Variants in LARGE1 observed in about 807,000 individuals in gnomAD.
The protein encoded by LARGE1 is LARGE xylosyl- and glucuronyltransferase 1.
LARGE1 carries 43 observed loss-of-function variants against 87.6 expected under a neutral mutation model. That is an observed-to-expected ratio of 0.49 (90% CI 0.38 to 0.63). The LOEUF (loss-of-function observed/expected upper bound fraction) is 0.63. LARGE1 is among the 30% of genes least tolerant of loss of function. The pLI, the probability that LARGE1 is intolerant of heterozygous loss-of-function variation, is 0.00. For missense variants in LARGE1, 802 were observed against 1,000.2 expected (o/e 0.80, Z 2.67); for synonymous variants, 434 against 394.6 (o/e 1.10, Z -1.18).
chr22:33,173,172 C>G (rs1476141699), intron 11 of LARGE1, among the ~76,000 whole-genome samples: 1 of 152,140 alleles, frequency 6.6e-6, no homozygotes, highest in Non-Finnish European at 1.5e-5. Context: ...CTGCAGAAAC[C>G]CTACAAGCCA....
chr22:33,807,113 G>A (rs1313344074), intron 1 of LARGE1, among the ~76,000 whole-genome samples: 1 of 152,136 alleles, frequency 6.6e-6, no homozygotes, highest in Non-Finnish European at 1.5e-5. Context: ...GTCATTAAAA[G>A]CAAAGCCCTA....
intron 11 of LARGE1, among the ~76,000 whole-genome samples, chr22:33,205,966 T>TTTTTTTTG (rs1924658554): frequency 6.8e-6 from 1 of 148,080 alleles, no homozygotes; most frequent in African/African-American, 2.5e-5. Flanking sequence ...TTTTTTTTTT[T>TTTTTTTTG]TTTTGTGAGA....
At chr22:33,642,735 A>AAAAAAAAAAAAAAAAAT (rs2080481365) in intron 3 of LARGE1, among the ~76,000 whole-genome samples, 1 of 146,420 alleles carries the variant, frequency 6.8e-6, no homozygotes, top group Non-Finnish European at 1.5e-5. Context: ...AAAAAAAAAA[A>AAAAAAAAAAAAAAAAAT]GGCAGGAGAT....
chr22:33,675,408 GA>G (rs1163910977), intron 2 of LARGE1, among the ~76,000 whole-genome samples: 1 of 151,510 alleles, frequency 6.6e-6, no homozygotes, highest in African/African-American at 2.4e-5. Flanking sequence ...GAACAAGAGG[GA>G]ATGAATAAGA....
chr22:33,639,993 A>G (rs2080379984), intron 3 of LARGE1, among the ~76,000 whole-genome samples: 1 of 152,238 alleles, frequency 6.6e-6, no homozygotes, highest in African/African-American at 2.4e-5. Context: ...GCATATTGAT[A>G]GAGGAGTTTT....
chr22:33,845,555 G>A (rs1408903433), intron 1 of LARGE1, among the ~76,000 whole-genome samples: 1 of 152,126 alleles, frequency 6.6e-6, no homozygotes, highest in Admixed American at 6.5e-5. Context: ...TCATCTACCC[G>A]CCTCAGCCTC....
intron 2 of LARGE1, 125 bp from the exon 3 acceptor site, chr22:33,650,793 A>G: frequency 5.6e-6 from 6 of 1,065,662 alleles, no homozygotes; most frequent in Non-Finnish European, 8.3e-6. Flanking sequence ...TAAGGAAAAC[A>G]GATGGAAAGT....
intron 2 of LARGE1, among the ~76,000 whole-genome samples, chr22:33,749,994 AT>A (rs2084253023): frequency 6.6e-6 from 1 of 152,116 alleles, no homozygotes; most frequent in South Asian, 2.1e-4. Flanking sequence ...TAGTTTCCTC[AT>A]CTATAAAATG....
At chr22:33,752,272 G>A (rs888133289) in intron 2 of LARGE1, among the ~76,000 whole-genome samples, 1 of 151,952 alleles carries the variant, frequency 6.6e-6, no homozygotes, top group African/African-American at 2.4e-5. Context: ...AATACTTTGG[G>A]TAAGTTTTCC....
chr22:33,079,332 A>T, the LARGE1 span, among the ~76,000 whole-genome samples: 15 of 140,856 alleles, frequency 1.1e-4, no homozygotes, highest in African/African-American at 3.8e-4. Flanking sequence ...GGTTCACGCC[A>T]TTCTCCTGCT....
rs1300470437 is a variant in LARGE1 at position 33,361,902 on chromosome 22, G to A, written c.1131+20017C>T. ...AGGAACCATGGCTCACTCAGCTCTGGGACTCTAGAAACCCCTAGAGAGACC... is the reference window on the plus strand; with the variant it reads ...AGGAACCATGGCTCACTCAGCTCTGAGACTCTAGAAACCCCTAGAGAGACC... On this transcript the variant is annotated intron_variant, in intron 9 of 14. Transcript: ENST00000397394. 2.0e-5 allele frequency among the ~76,000 whole-genome samples: 3 copies of A among 149,006 alleles called. 1 individual carries two copies. In the South Asian group the frequency reaches 6.7e-4, roughly 33 times the overall value.
chr22:33,772,624 C>G (rs935533836), intron 1 of LARGE1, among the ~76,000 whole-genome samples: 1 of 152,130 alleles, frequency 6.6e-6, no homozygotes, highest in Non-Finnish European at 1.5e-5. Flanking sequence ...CCCAGACAAT[C>G]CTATGCCTCA....
chr22:33,119,012 T>A, the LARGE1 span, among the ~76,000 whole-genome samples: 1 of 152,238 alleles, frequency 6.6e-6, no homozygotes, highest in Non-Finnish European at 1.5e-5. Context: ...GGGACTTCCA[T>A]TAAGTCATTT....
At chr22:33,348,372 T>C (rs1167281031) in intron 9 of LARGE1, among the ~76,000 whole-genome samples, 1 of 147,412 alleles carries the variant, frequency 6.8e-6, no homozygotes, top group African/African-American at 2.5e-5. Context: ...GTTCAAACCA[T>C]TGCCTTTTCT....
chr22:33,496,760 T>A lies in LARGE1; in HGVS notation c.788-64495A>T, dbSNP rs538999236. Among the ~76,000 whole-genome samples the A allele has an allele frequency of 3.9e-5, 6 of 152,320 alleles. No individual in the cohort carries two copies. In the East Asian group the frequency reaches 1.2e-3, roughly 29 times the overall value. Reference sequence around the variant, plus strand: ...CCCAGAAAACAGTTTTCAGACTCTATCTCTCATTCCACCTCTTTTATCCCA... The same window carrying A: ...CCCAGAAAACAGTTTTCAGACTCTAACTCTCATTCCACCTCTTTTATCCCA... On this transcript the variant is annotated intron_variant, in intron 6 of 14. Coordinates refer to ENST00000397394, the MANE Select transcript of LARGE1 (RefSeq NM_133642.5).
At chr22:33,170,233 G>A (rs929025928) in intron 11 of LARGE1, among the ~76,000 whole-genome samples, 2 of 151,978 alleles carry the variant, frequency 1.3e-5, no homozygotes, top group African/African-American at 2.4e-5. Flanking sequence ...GTCAGGCATG[G>A]TGGTGCACAT....
intron 1 of LARGE1, among the ~76,000 whole-genome samples, chr22:33,870,478 A>G (rs1215400619): frequency 2.0e-5 from 3 of 152,178 alleles, no homozygotes; most frequent in African/African-American, 7.2e-5. Flanking sequence ...AGGTATCAAC[A>G]TGGTACCAAG....
chr22:33,300,324 T>C (rs546487797), intron 12 of LARGE1, among the ~76,000 whole-genome samples: 4 of 152,354 alleles, frequency 2.6e-5, no homozygotes, highest in African/African-American at 9.6e-5. Context: ...GCAGGGTTTC[T>C]GGCACATGGT....
chr22:33,488,990 T>TTA (rs1467251565), intron 6 of LARGE1, among the ~76,000 whole-genome samples: 2 of 152,334 alleles, frequency 1.3e-5, no homozygotes, highest in Admixed American at 1.3e-4. Context: ...TAACTGTAGT[T>TTA]TACCACCTCC....
Sources: allele counts gnomAD v4.1 joint callset (sites outside exome capture counted in the v4.1 genomes callset), GRCh38; gene constraint gnomAD v4.1.1; transcripts MANE v1.5; gene names NCBI Gene and HGNC (gene_info 2026-07-23, HGNC 2026-07-21).